Variants in CACNB4 observed in about 807,000 individuals in gnomAD.
CACNB4 encodes the protein voltage-dependent L-type calcium channel subunit beta-4.
A neutral mutation model predicts 71.2 loss-of-function variants in CACNB4; 32 were observed. The observed-to-expected ratio is 0.45, with a 90% CI of 0.34 to 0.60. CACNB4 has a LOEUF of 0.60. Ranked by LOEUF, CACNB4 falls within the 20% of genes least tolerant of loss-of-function variation. The pLI, the probability that CACNB4 is intolerant of heterozygous loss-of-function variation, is 0.01. For synonymous variants in CACNB4, 231 were observed against 236.9 expected (o/e 0.97, Z 0.23); for missense variants, 464 against 647.9 (o/e 0.72, Z 3.08).
intron 2 of CACNB4, among the ~76,000 whole-genome samples, chr2:151,982,619 C>T (rs894838336): frequency 1.4e-5 from 2 of 139,510 alleles, no homozygotes; most frequent in Non-Finnish European, 3.0e-5. Context: ...GACGACAGAG[C>T]GAGACTCCGT....
intron 12 of CACNB4, among the ~76,000 whole-genome samples, chr2:151,847,678 A>G (rs1038332202): frequency 2.0e-5 from 3 of 152,192 alleles, no homozygotes; most frequent in African/African-American, 4.8e-5. Flanking sequence ...ACCTGAGGTC[A>G]GGAGTTTGAG....
intron 2 of CACNB4, chr2:151,972,069 C>CAA (rs56104858): frequency 0.045 from 4,976 of 110,650 alleles, 357 homozygotes; most frequent in African/African-American, 0.17. Context: ...GACCCAAAGG[C>CAA]AAAAAAAAAA....
chr2:151,939,402 G>A (rs540460840), intron 2 of CACNB4, among the ~76,000 whole-genome samples: 6 of 152,304 alleles, frequency 3.9e-5, no homozygotes, highest in East Asian at 1.9e-4. Flanking sequence ...AGGAGTGGAG[G>A]TGAAACAAGG....
At chr2:152,095,379 G>GA (rs1560197309) in intron 2 of CACNB4, among the ~76,000 whole-genome samples, 1 of 151,888 alleles carries the variant, frequency 6.6e-6, no homozygotes. Flanking sequence ...CTTATTGGGT[G>GA]AGTTGCCAAC....
chr2:151,980,632 C>T (rs116046634), intron 2 of CACNB4, among the ~76,000 whole-genome samples: 10 of 152,304 alleles, frequency 6.6e-5, no homozygotes, highest in Non-Finnish European at 1.3e-4. Flanking sequence ...GCTACCTTTG[C>T]ACTTTGGTTG....
intron 2 of CACNB4, among the ~76,000 whole-genome samples, chr2:152,039,811 G>T (rs1234745603): frequency 6.6e-6 from 1 of 152,164 alleles, no homozygotes; most frequent in South Asian, 2.1e-4. Context: ...ATAGTCGAAG[G>T]CATGAAGTAA....
At chr2:151,898,040 G>A (rs2099852511) in intron 2 of CACNB4, among the ~76,000 whole-genome samples, 1 of 152,232 alleles carries the variant, frequency 6.6e-6, no homozygotes, top group East Asian at 1.9e-4. Flanking sequence ...AAGAACTTTG[G>A]GACAACTAAA....
At chr2:151,944,824 A>T (rs1308120706) in intron 2 of CACNB4, among the ~76,000 whole-genome samples, 2 of 152,228 alleles carry the variant, frequency 1.3e-5, no homozygotes, top group Non-Finnish European at 2.9e-5. Context: ...AGACAGTTCT[A>T]GCAGAAACTG....
intron 2 of CACNB4, among the ~76,000 whole-genome samples, chr2:151,936,917 C>T (rs949277033): frequency 2.0e-5 from 3 of 152,218 alleles, no homozygotes; most frequent in Non-Finnish European, 2.9e-5. Context: ...TCTCTGGGCT[C>T]TCAAAGCATA....
intron 2 of CACNB4, among the ~76,000 whole-genome samples, chr2:152,028,199 G>A (rs1684082717): frequency 6.6e-6 from 1 of 152,162 alleles, no homozygotes; most frequent in African/African-American, 2.4e-5. Context: ...GGAACCCCAG[G>A]AATTCAGATG....
chr2:152,082,338 C>G (rs557712524), intron 2 of CACNB4, among the ~76,000 whole-genome samples: 2 of 152,128 alleles, frequency 1.3e-5, no homozygotes, highest in African/African-American at 4.8e-5. Context: ...ACTGAATGGC[C>G]GTATGTTGTA....
intron 12 of CACNB4, among the ~76,000 whole-genome samples, chr2:151,847,928 A>G (rs1011110040): frequency 6.6e-6 from 1 of 152,188 alleles, no homozygotes; most frequent in African/African-American, 2.4e-5. Context: ...GCTAAACAGG[A>G]AAGATAATCA....
At chr2:151,886,584 T>C (rs2099849429) in intron 2 of CACNB4, among the ~76,000 whole-genome samples, 1 of 152,236 alleles carries the variant, frequency 6.6e-6, no homozygotes, top group Non-Finnish European at 1.5e-5. Flanking sequence ...CAGAAGTTCC[T>C]GTTTACTCCC....
rs1410939975 is a variant in CACNB4 at position 151,971,337 on chromosome 2, C to T, written c.148-87967G>A. 1.8e-5 allele frequency: 11 copies of T among 594,944 alleles called. No individual in the cohort carries two copies. In the East Asian group the frequency reaches 3.0e-4, roughly 16 times the overall value. 36.9% of individuals were successfully genotyped at this position (594,944 alleles called of 1,614,324 possible). On this transcript the variant is annotated intron_variant, in intron 2 of 13. Coordinates refer to ENST00000539935, the MANE Select transcript of CACNB4 (RefSeq NM_000726.5). ...TTATCACAAGTTAACCCCCACACACCCCACAAAGACATTTTCAACAGCACA... is the reference window on the plus strand; with the variant it reads ...TTATCACAAGTTAACCCCCACACACTCCACAAAGACATTTTCAACAGCACA...
chr2:151,956,808 T>C (rs932233331), intron 2 of CACNB4, among the ~76,000 whole-genome samples: 3 of 152,224 alleles, frequency 2.0e-5, no homozygotes, highest in African/African-American at 7.2e-5. Flanking sequence ...ACAATCAATA[T>C]AGCTGAGTGT....
chr2:151,973,041 A>AG (rs1185785536), intron 2 of CACNB4: 1 of 152,234 alleles, frequency 6.6e-6, no homozygotes. Flanking sequence ...AGCCTGACCT[A>AG]GGGGGGAGAA....
intron 7 of CACNB4, 105 bp downstream of exon 7, chr2:151,870,737 G>T: frequency 8.3e-7 from 1 of 1,206,064 alleles, no homozygotes; most frequent in Non-Finnish European, 1.2e-6. Flanking sequence ...CCACCGAGGA[G>T]GCTCTTCCCT....
intron 2 of CACNB4, among the ~76,000 whole-genome samples, chr2:152,031,579 G>C (rs1684286819): frequency 6.6e-6 from 1 of 152,076 alleles, no homozygotes; most frequent in Non-Finnish European, 1.5e-5. Flanking sequence ...CTTGCTCAAA[G>C]GCCTGGGACC....
At chr2:152,034,525 C>G (rs959235556) in intron 2 of CACNB4, among the ~76,000 whole-genome samples, 6 of 152,204 alleles carry the variant, frequency 3.9e-5, no homozygotes, top group African/African-American at 1.4e-4. Flanking sequence ...CAAGCCGTTA[C>G]CACAAAATGG....
Sources: gnomAD v4.1 joint callset for allele counts (sites outside exome capture counted in the v4.1 genomes callset) on GRCh38, gnomAD v4.1.1 for gene constraint, MANE v1.5 for transcripts, NCBI Gene and HGNC (gene_info 2026-07-23, HGNC 2026-07-21) for gene names.